Variants in ZNF385D observed in about 807,000 individuals in gnomAD.
ZNF385D encodes the protein zinc finger protein 385D.
A neutral mutation model predicts 35.8 loss-of-function variants in ZNF385D; 15 were observed. That is an observed-to-expected ratio of 0.42 (90% CI 0.28 to 0.64). The LOEUF is 0.64. ZNF385D is among the 30% of genes least tolerant of loss of function. The pLI, the probability that ZNF385D is intolerant of heterozygous loss-of-function variation, is 0.23. For synonymous variants in ZNF385D, 212 were observed against 186.8 expected (o/e 1.13, Z -1.10); for missense variants, 474 against 494.6 (o/e 0.96, Z 0.39).
intron 1 of ZNF385D, among the ~76,000 whole-genome samples, chr3:21,671,238 C>G (rs2066567714): frequency 6.6e-6 from 1 of 151,964 alleles, no homozygotes; most frequent in Admixed American, 6.6e-5. Flanking sequence ...GCTATGCTTC[C>G]CCGCCTGTCA....
intron 6 of ZNF385D, among the ~76,000 whole-genome samples, chr3:21,425,168 G>A (rs115734253): frequency 0.011 from 1,730 of 152,220 alleles, 31 homozygotes; most frequent in African/African-American, 0.024. Context: ...ACTTTTGAGT[G>A]GAAAATCCGG....
intron 3 of ZNF385D, among the ~76,000 whole-genome samples, chr3:21,831,579 C>T (rs1416417949): frequency 6.6e-6 from 1 of 152,142 alleles, no homozygotes; most frequent in Non-Finnish European, 1.5e-5. Flanking sequence ...TTCATTCAAT[C>T]AATATTTACT....
chr3:21,794,358 C>T (rs2072057308), intron 3 of ZNF385D, among the ~76,000 whole-genome samples: 1 of 152,010 alleles, frequency 6.6e-6, no homozygotes, highest in Non-Finnish European at 1.5e-5. Flanking sequence ...TCTGAGCCAC[C>T]TCTCCTCTTG....
chr3:21,416,713 A>T lies in ZNF385D; in HGVS notation c.*4501T>A, dbSNP rs1700566414. On this transcript the variant is annotated 3_prime_UTR_variant, in exon 8 of 8. Transcript: ENST00000281523. ...TTTAAATAATTCCTGTAACAATGAC[A>T]AGAGCGCATAACTGATATACTTGTC... 3 of 152,188 alleles carry T rather than the reference A, an allele frequency of 2.0e-5. No homozygotes were observed. 9.4% of individuals were successfully genotyped at this position (152,188 alleles called of 1,614,324 possible). A position where few individuals can be genotyped will look rare whatever the true frequency, so the allele number is the denominator to read the frequency against.
chr3:21,429,428 G>C (rs550185251), intron 5 of ZNF385D, among the ~76,000 whole-genome samples: 2 of 151,814 alleles, frequency 1.3e-5, no homozygotes, highest in Admixed American at 1.3e-4. Context: ...GTAATACATC[G>C]AGATGATATA....
Position 21,417,067 on chromosome 3 carries a change from G to T in ZNF385D, c.*4147C>A, listed in dbSNP as rs1477730912. 1 of 152,084 alleles carries T rather than the reference G, an allele frequency of 6.6e-6. No individual in the cohort carries two copies. The highest frequency in any genetic ancestry group is 1.9e-4 in the East Asian group (1 of 5,200). 9.4% of individuals were successfully genotyped at this position (152,084 alleles called of 1,614,324 possible). On this transcript the variant is annotated 3_prime_UTR_variant, in exon 8 of 8. Transcript: ENST00000281523. The stretch of plus-strand genomic sequence containing the variant: ...GCAACTACTCCAATATTGGTGAAAT[G>T]TACATTCTGGTTGAGCATATGAATG...
Position 21,472,405 on chromosome 3 carries a change from A to G in ZNF385D, c.440-35202T>C, listed in dbSNP as rs187467819. Among the ~76,000 whole-genome samples the G allele has an allele frequency of 1.5e-3, 223 of 152,266 alleles. 1 individual carries two copies. The highest frequency in any genetic ancestry group is 5.2e-3 in the African/African-American group (216 of 41,564). On this transcript the variant is annotated intron_variant, in intron 4 of 7. Coordinates refer to ENST00000281523, the MANE Select transcript of ZNF385D (RefSeq NM_024697.3). ...AAAAGTTAGTAGGGTATCCCTAAAT[A>G]AAGGTGGTCAACTCCAATTTAGGAA... is the stretch of plus-strand genomic sequence containing the variant.
intron 2 of ZNF385D, among the ~76,000 whole-genome samples, chr3:22,298,731 C>A (rs1416330044): frequency 2.0e-5 from 3 of 149,962 alleles, no homozygotes; most frequent in East Asian, 1.9e-4. Context: ...ATAAAATGAT[C>A]TAATTTCCAT....
At chr3:21,563,577 T>G (rs1197088167) in intron 3 of ZNF385D, among the ~76,000 whole-genome samples, 1 of 152,228 alleles carries the variant, frequency 6.6e-6, no homozygotes, top group East Asian at 1.9e-4. Flanking sequence ...TCTTGCATCC[T>G]ATCTTCGTCA....
At chr3:21,489,486 A>C (rs1705259956) in intron 4 of ZNF385D, among the ~76,000 whole-genome samples, 2 of 152,254 alleles carry the variant, frequency 1.3e-5, no homozygotes, top group South Asian at 4.1e-4. Context: ...AAAATGGCTT[A>C]TTGAGCACAA....
intron 2 of ZNF385D, among the ~76,000 whole-genome samples, chr3:22,256,008 G>T (rs866393761): frequency 6.6e-6 from 1 of 151,612 alleles, no homozygotes; most frequent in Admixed American, 6.6e-5. Flanking sequence ...TGTCAGTGCT[G>T]CTAGAATATA....
At position 22,108,640 on chromosome 3, in the gene ZNF385D, C is replaced by T. The variant is rs147264132; in HGVS notation, c.325+60177G>A. 9.9e-3 allele frequency among the ~76,000 whole-genome samples: 1,510 copies of T among 152,184 alleles called. 17 individuals are homozygous for T. The highest frequency in any genetic ancestry group is 0.04 in the East Asian group (207 of 5,174). On this transcript the variant is annotated intron_variant, in intron 3 of 5. Coordinates refer to the ZNF385D transcript ENST00000494108. ...GAAAAGTTACTTAACCTCTCTAAGG[C>T]CAATTCTCTCATCTGTGAAGTGAAC...
intron 3 of ZNF385D, among the ~76,000 whole-genome samples, chr3:21,765,914 C>G (rs959911219): frequency 1.3e-5 from 2 of 152,042 alleles, no homozygotes; most frequent in Non-Finnish European, 2.9e-5. Flanking sequence ...ATAGTAGTAT[C>G]TTCTTTTACA....
intron 3 of ZNF385D, among the ~76,000 whole-genome samples, chr3:22,073,623 CTTTTTA>C (rs1700329315): frequency 1.3e-5 from 2 of 151,584 alleles, no homozygotes; most frequent in African/African-American, 2.4e-5. Context: ...ATAATTTAGG[CTTTTTA>C]TTTTTATTTA....
intron 3 of ZNF385D, among the ~76,000 whole-genome samples, chr3:21,925,841 A>G (rs1700700950): frequency 6.6e-6 from 1 of 152,216 alleles, no homozygotes; most frequent in Non-Finnish European, 1.5e-5. Context: ...CACCTTGCCA[A>G]AATGATATAC....
intron 2 of ZNF385D, among the ~76,000 whole-genome samples, chr3:22,309,866 C>A (rs150548081): frequency 1.4e-3 from 219 of 151,926 alleles, no homozygotes; most frequent in African/African-American, 5.0e-3. Context: ...GTAACAATGG[C>A]CAGTAGGATG....
At chr3:21,825,775 G>A (rs757701656) in intron 3 of ZNF385D, among the ~76,000 whole-genome samples, 1 of 152,060 alleles carries the variant, frequency 6.6e-6, no homozygotes, top group African/African-American at 2.4e-5. Flanking sequence ...CTAGCCCAGG[G>A]GTCCCCAGCC....
intron 3 of ZNF385D, among the ~76,000 whole-genome samples, chr3:21,821,606 T>C (rs1401289881): frequency 1.3e-5 from 2 of 152,210 alleles, no homozygotes; most frequent in African/African-American, 4.8e-5. Context: ...TATGCAAAGA[T>C]ATTTGACTTC....
rs189337240 is a variant in ZNF385D, at chr3:22,196,408, C to T, written c.107-27373G>A. Among the ~76,000 whole-genome samples the T allele has an allele frequency of 8.5e-5, 13 of 152,122 alleles. No individual in the cohort carries two copies. In the East Asian group the frequency reaches 1.5e-3, roughly 18 times the overall value. On this transcript the variant is annotated intron_variant, in intron 2 of 5. Coordinates refer to the ZNF385D transcript ENST00000494108. ...GATTGTCACTTGATTATATTATTTA[C>T]ATTTGAAAACACATATATTTGAATT...
Sources: gnomAD v4.1 joint callset for allele counts (sites outside exome capture counted in the v4.1 genomes callset) on GRCh38, gnomAD v4.1.1 for gene constraint, MANE v1.5 for transcripts, NCBI Gene and HGNC (gene_info 2026-07-23, HGNC 2026-07-21) for gene names.